CFH: variants seen among roughly 807,000 people sequenced by gnomAD.
CFH encodes the protein complement factor H.
In CFH, 53 loss-of-function variants were observed where a neutral mutation model predicts 147.3. That is an observed-to-expected ratio of 0.36 (90% CI 0.29 to 0.45). The LOEUF (loss-of-function observed/expected upper bound fraction) is 0.45. Ranked by LOEUF, CFH falls within the 20% of genes least tolerant of loss-of-function variation. The probability of loss-of-function intolerance (pLI) is 1.00; values close to 1 mark genes in which losing one functional copy is unlikely to be tolerated. For missense variants in CFH, 1,380 were observed against 1,498.0 expected (o/e 0.92, Z 1.30); for synonymous variants, 536 against 489.4 (o/e 1.10, Z -1.26).
intron 9 of CFH, among the ~76,000 whole-genome samples, chr1:196,695,037 T>A (rs1441216723): frequency 6.6e-6 from 1 of 152,224 alleles, no homozygotes; most frequent in Non-Finnish European, 1.5e-5. Context: ...TTTTGGCCTT[T>A]GTTGCCATTG....
Position 196,654,939 on chromosome 1 carries a change from A to G in CFH, c.58+2764A>G, listed in dbSNP as rs530207498. Among the ~76,000 whole-genome samples, 12 of 152,250 alleles carry G rather than the reference A, an allele frequency of 7.9e-5. 2 individuals carry two copies. The highest frequency in any genetic ancestry group is 2.9e-4 in the African/African-American group (12 of 41,548). On this transcript the variant is annotated intron_variant, in intron 1 of 21. Transcript: ENST00000367429. ...CCCAAACCCCCATATTTTCAGAGAT[A>G]GTAGTATGTGTATTTATCTATATGG... is the stretch of plus-strand genomic sequence containing the variant.
intron 15 of CFH, 125 bp from the exon 16 acceptor site, chr1:196,736,697 CAG>C: frequency 2.8e-6 from 1 of 355,798 alleles, no homozygotes; most frequent in Non-Finnish European, 4.4e-6. Flanking sequence ...ATTTATGAAA[CAG>C]TTATTGATCT....
At chr1:196,693,581 A>T (rs558682132) in intron 9 of CFH, among the ~76,000 whole-genome samples, 26 of 152,230 alleles carry the variant, frequency 1.7e-4, no homozygotes, top group Non-Finnish European at 3.5e-4. Flanking sequence ...CACTAGACGA[A>T]GGGAGGATTC....
chr1:196,708,434 A>G (rs1353415410), intron 9 of CFH, among the ~76,000 whole-genome samples: 5 of 152,170 alleles, frequency 3.3e-5, no homozygotes, highest in Non-Finnish European at 4.4e-5. Context: ...ATTCCATTAC[A>G]TAGGCCCTCC....
intron 1 of CFH, among the ~76,000 whole-genome samples, chr1:196,668,861 G>T (rs57855625): frequency 9.9e-5 from 15 of 152,260 alleles, no homozygotes; most frequent in African/African-American, 3.4e-4. Context: ...TGGTACCAAG[G>T]TAGTAGGGCA....
rs774701655 is a variant in CFH at position 196,652,087 on chromosome 1, C to G, written c.-31C>G. ...AACTGGACGTTGTGAACAGAGTTAG[C>G]TGGTAAATGTCCTCTTAAAAGATCC... On this transcript the variant is annotated 5_prime_UTR_variant, in exon 1 of 22. Coordinates refer to ENST00000367429, the MANE Select transcript of CFH (RefSeq NM_000186.4). 1 of 1,483,076 alleles carries G rather than the reference C, an allele frequency of 6.7e-7. No homozygotes were observed. Among genetic ancestry groups the G allele is most frequent in the South Asian group, 1.1e-5 (1 of 88,324 alleles). 91.9% of individuals were successfully genotyped at this position (1,483,076 alleles called of 1,614,324 possible). A position where few individuals can be genotyped will look rare whatever the true frequency, so the allele number is the denominator to read the frequency against.
intron 9 of CFH, among the ~76,000 whole-genome samples, chr1:196,692,881 C>CCTT (rs1553275284): frequency 1.7e-5 from 1 of 57,324 alleles, no homozygotes. Flanking sequence ...TCTGTCACCT[C>CCTT]CCTCCCTCCC....
rs1296864109 is a variant in CFH at position 196,746,104 on chromosome 1, G to C, written c.3493+105G>C. 1.9e-5 allele frequency: 30 copies of C among 1,585,362 alleles called. No individual in the cohort carries two copies. The East Asian group carries it at 6.5e-4, about 35-fold the overall frequency. ...CAGATTATTGAACAACCATTCTGCT[G>C]AATGCTTGCCTACCAAATATTTCTG... On this transcript the variant is annotated intron_variant, in intron 21 of 21. Coordinates refer to ENST00000367429, the MANE Select transcript of CFH (RefSeq NM_000186.4).
intron 1 of CFH, among the ~76,000 whole-genome samples, chr1:196,669,595 C>T (rs994729650): frequency 2.6e-5 from 4 of 152,326 alleles, no homozygotes; most frequent in African/African-American, 9.6e-5. Flanking sequence ...TTGGCAGCTT[C>T]CACATGGTGT....
intron 20 of CFH, among the ~76,000 whole-genome samples, chr1:196,744,834 T>C (rs941386774): frequency 4.6e-5 from 7 of 152,186 alleles, no homozygotes; most frequent in Non-Finnish European, 1.0e-4. Context: ...ATCTGTTTTA[T>C]TTTAATTTGA....
chr1:196,707,093 T>C (rs552376869), intron 9 of CFH, among the ~76,000 whole-genome samples: 7 of 152,136 alleles, frequency 4.6e-5, no homozygotes, highest in South Asian at 2.1e-4. Context: ...CTCAGCATAA[T>C]CTGGAATCTT....
chr1:196,711,404 C>T (rs1668719708), intron 9 of CFH, among the ~76,000 whole-genome samples: 1 of 151,842 alleles, frequency 6.6e-6, no homozygotes, highest in African/African-American at 2.4e-5. Context: ...GGTGAGTATT[C>T]CATAAAAGAT....
intron 5 of CFH, chr1:196,677,871 T>A: frequency 1.8e-6 from 1 of 548,182 alleles, no homozygotes; most frequent in Non-Finnish European, 3.3e-6. Flanking sequence ...TACTTACTCA[T>A]CACTTTCATT....
intron 4 of CFH, chr1:196,676,916 A>G (rs987317734): frequency 6.6e-6 from 1 of 152,664 alleles, no homozygotes; most frequent in African/African-American, 2.4e-5. Context: ...GCAGGAAGAT[A>G]GCCCTAAAAT....
Position 196,719,852 on chromosome 1 carries a change from T to C in CFH, c.1696+4083T>C, listed in dbSNP as rs564613648. Among the ~76,000 whole-genome samples, 7 of 151,848 alleles carry C rather than the reference T, an allele frequency of 4.6e-5. No individual in the cohort carries two copies. In the South Asian group the frequency reaches 1.5e-3, roughly 32 times the overall value. On this transcript the variant is annotated intron_variant, in intron 11 of 21. Coordinates refer to ENST00000367429, the MANE Select transcript of CFH (RefSeq NM_000186.4). ...ATATTCAGGATACCTAGAATTTGCC[T>C]TTCCATGTGAACTTGAAAATTTATC...
At chr1:196,744,591 AT>A (rs1176395181) in intron 20 of CFH, among the ~76,000 whole-genome samples, 1 of 152,150 alleles carries the variant, frequency 6.6e-6, no homozygotes, top group Non-Finnish European at 1.5e-5. Context: ...CAACTGGAAT[AT>A]GGAAACCTTA....
intron 7 of CFH, among the ~76,000 whole-genome samples, chr1:196,688,312 T>G (rs554004457): frequency 6.6e-6 from 1 of 152,128 alleles, no homozygotes; most frequent in Middle Eastern, 3.5e-3. Flanking sequence ...CTCAGTAAAA[T>G]GTAATTATAT....
At chr1:196,736,046 G>T (rs1372002687) in intron 15 of CFH, among the ~76,000 whole-genome samples, 1 of 151,952 alleles carries the variant, frequency 6.6e-6, no homozygotes, top group African/African-American at 2.4e-5. Flanking sequence ...TCCCCCGTCA[G>T]TCAAACAGGA....
chr1:196,673,264 A>C (rs1667345071), intron 2 of CFH, 101 bp downstream of exon 2: 2 of 1,076,288 alleles, frequency 1.9e-6, no homozygotes, highest in African/African-American at 3.2e-5. Flanking sequence ...CACTATTGCC[A>C]GTCAAATACA....
Sources: allele counts gnomAD v4.1 joint callset (sites outside exome capture counted in the v4.1 genomes callset), GRCh38; gene constraint gnomAD v4.1.1; transcripts MANE v1.5; gene names NCBI Gene and HGNC (gene_info 2026-07-23, HGNC 2026-07-21).